Variants in POMT2 observed in about 807,000 individuals in gnomAD.
The protein encoded by POMT2 is protein O-mannosyltransferase 2.
Under a neutral mutation model 100.0 loss-of-function variants are expected in POMT2, and 75 were observed. The observed-to-expected ratio is 0.75, with a 90% confidence interval of 0.62 to 0.91. The LOEUF (loss-of-function observed/expected upper bound fraction) is 0.91. Among genes scored for constraint, POMT2 ranks in the 40% least tolerant of loss-of-function variants. The pLI, the probability that POMT2 is intolerant of heterozygous loss-of-function variation, is 0.00. For missense variants in POMT2, 940 were observed against 955.1 expected, an observed-to-expected ratio of 0.98 and a Z score of 0.21; for synonymous variants, 378 against 374.1, an observed-to-expected ratio of 1.01 and a Z score of -0.12.
At chr14:77,317,369 T>G (rs151287887) in intron 1 of POMT2, among the ~76,000 whole-genome samples, 1 of 152,262 alleles carries the variant, frequency 6.6e-6, no homozygotes, top group Non-Finnish European at 1.5e-5. Context: ...TATACCACTG[T>G]GGCCCTTGAA....
In POMT2 at chr14:77,320,443, G is replaced by A. The variant is rs1195398546; in HGVS notation, c.239C>T (p.Pro80Leu). ...ATRFHRLDEP[P>L]HICWDETHFG... The stretch of plus-strand genomic sequence containing the variant: ...CCCTCCCATCACTCACCAGATGTGC[G>A]GCGGCTCGTCCAAGCGGTGGAAGCG... Residue 80 changes from proline to leucine, a missense_variant, in exon 1 of 21, where the codon CCG (proline) becomes CTG (leucine). Physicochemically the swap from Pro to Leu is moderately conservative, Grantham distance 98 (BLOSUM62 -3). Transcript: ENST00000261534. 2 of 1,546,466 alleles carry A rather than the reference G, an allele frequency of 1.3e-6. No homozygotes were observed. Among genetic ancestry groups the A allele is most frequent in the Non-Finnish European group, 1.7e-6 (2 of 1,146,884 alleles).
chr14:77,308,512 C>T (rs550828816), intron 2 of POMT2, among the ~76,000 whole-genome samples: 3 of 152,166 alleles, frequency 2.0e-5, no homozygotes, highest in Admixed American at 1.3e-4. Context: ...CCTGCCACCA[C>T]GCCCGGCTAA....
chr14:77,299,606 A>G (rs367607952), intron 6 of POMT2, 45 bp from the exon 7 acceptor site: 1 of 1,399,690 alleles, frequency 7.1e-7, no homozygotes, highest in African/African-American at 1.4e-5. Context: ...GTGAGACCTC[A>G]TTATTCCTTA....
chr14:77,285,996 C>T (rs981831745), intron 12 of POMT2, among the ~76,000 whole-genome samples: 1 of 152,196 alleles, frequency 6.6e-6, no homozygotes, highest in South Asian at 2.1e-4. Flanking sequence ...CCATTTGCAT[C>T]CATTACCTTG....
chr14:77,303,907 G>A (rs1891140128), intron 4 of POMT2, among the ~76,000 whole-genome samples: 2 of 152,180 alleles, frequency 1.3e-5, no homozygotes, highest in African/African-American at 4.8e-5. Context: ...CTCAGACTAA[G>A]AAAAGTGGCC....
chr14:77,298,686 C>G lies in POMT2; in HGVS notation c.1006+3G>C. On this transcript the variant is annotated splice_donor_region_variant and intron_variant, in intron 8 of 20. Coordinates refer to ENST00000261534, the MANE Select transcript of POMT2 (RefSeq NM_013382.7). ...ACCTTTGTAATGGCCCAGAGACACTCACGTTCAGGGATGGAAGCATTGTGC... is the reference window on the plus strand; with the variant it reads ...ACCTTTGTAATGGCCCAGAGACACTGACGTTCAGGGATGGAAGCATTGTGC... The G allele has an allele frequency of 1.9e-6, 3 of 1,613,806 alleles. No homozygotes were observed. The highest frequency in any genetic ancestry group is 2.5e-6 in the Non-Finnish European group (3 of 1,179,886).
intron 15 of POMT2, 50 bp from the exon 16 acceptor site, chr14:77,280,513 T>G: frequency 6.2e-7 from 1 of 1,613,362 alleles, no homozygotes; most frequent in Non-Finnish European, 8.5e-7. Flanking sequence ...TCTAGAGGGC[T>G]GACAGAAATG....
intron 1 of POMT2, among the ~76,000 whole-genome samples, chr14:77,314,455 C>G (rs1891555000): frequency 6.6e-6 from 1 of 152,192 alleles, no homozygotes; most frequent in Non-Finnish European, 1.5e-5. Context: ...AAAACAGTGA[C>G]AGGCTAACTT....
chr14:77,313,811 G>A (rs1891528461), intron 1 of POMT2, among the ~76,000 whole-genome samples: 2 of 152,124 alleles, frequency 1.3e-5, no homozygotes, highest in African/African-American at 2.4e-5. Context: ...GGGTTCAAGC[G>A]ATTCTCCTGC....
chr14:77,320,747 A>G lies in POMT2; in HGVS notation c.-66T>C. ...CTTTGTCTGACCAGCCGCCCCGCCA[A>G]GGAGTCACAAGAGGGCAGCTCGGGG... is the stretch of plus-strand genomic sequence containing the variant. On this transcript the variant is annotated 5_prime_UTR_variant, in exon 1 of 21. Transcript: ENST00000261534. The G allele has an allele frequency of 6.4e-7, 1 of 1,561,190 alleles. No homozygotes were observed. The highest frequency in any genetic ancestry group is 2.3e-4 in the Middle Eastern group (1 of 4,296).
intron 10 of POMT2, among the ~76,000 whole-genome samples, chr14:77,290,912 G>C (rs1020897103): frequency 3.1e-4 from 47 of 152,208 alleles, no homozygotes; most frequent in African/African-American, 1.1e-3. Context: ...GACTTAAGCT[G>C]CACCACATGC....
chr14:77,314,941 T>G (rs566636658), intron 1 of POMT2, among the ~76,000 whole-genome samples: 1 of 152,322 alleles, frequency 6.6e-6, no homozygotes, highest in South Asian at 2.1e-4. Flanking sequence ...TCCCTTTATG[T>G]CCCAGGATCC....
chr14:77,305,096 C>A, intron 3 of POMT2, among the ~76,000 whole-genome samples: 1 of 152,070 alleles, frequency 6.6e-6, no homozygotes, highest in East Asian at 1.9e-4. Context: ...TAGCTACACA[C>A]CAGGAATAGA....
intron 16 of POMT2, 54 bp downstream of exon 16, chr14:77,280,338 C>T (rs1397776268): frequency 1.4e-5 from 23 of 1,612,810 alleles, no homozygotes; most frequent in Non-Finnish European, 1.7e-5. Context: ...ACCGGTCTCC[C>T]TGCTCTTGTT....
At chr14:77,285,149 G>T in intron 13 of POMT2, 108 bp from the exon 14 acceptor site, 1 of 995,342 alleles carries the variant, frequency 1.0e-6, no homozygotes, top group South Asian at 1.4e-5. Flanking sequence ...TTTCCACATG[G>T]TGGCCATTAT....
intron 1 of POMT2, among the ~76,000 whole-genome samples, chr14:77,318,157 T>TA (rs1891696395): frequency 6.6e-6 from 1 of 152,238 alleles, no homozygotes; most frequent in East Asian, 1.9e-4. Context: ...CCTGGAGATG[T>TA]AAAGAGAAGG....
chr14:77,299,443 C>G lies in POMT2; in HGVS notation c.923+12G>C, dbSNP rs370723854. On this transcript the variant is annotated intron_variant, in intron 7 of 20. Coordinates refer to ENST00000261534, the MANE Select transcript of POMT2 (RefSeq NM_013382.7). ...AACCAGAAGCAAGATGCTGCAAAGG[C>G]TCTGTCTGTACCTTTTACTCAGCAC... 2 of 1,609,110 alleles carry G rather than the reference C, an allele frequency of 1.2e-6. No individual in the cohort carries two copies. The highest frequency in any genetic ancestry group is 2.7e-5 in the African/African-American group (2 of 74,788).
At chr14:77,304,446 G>T (rs745649977) in intron 4 of POMT2, among the ~76,000 whole-genome samples, 6 of 152,132 alleles carry the variant, frequency 3.9e-5, no homozygotes, top group Non-Finnish European at 8.8e-5. Flanking sequence ...ATAACGTGGA[G>T]GTAAATCTAT....
In POMT2 at chr14:77,277,102, C is replaced by T; in HGVS notation, c.*274G>A. 1 of 508,286 alleles carries T rather than the reference C, an allele frequency of 2.0e-6. No homozygotes were observed. Among genetic ancestry groups the T allele is most frequent in the Non-Finnish European group, 3.6e-6 (1 of 278,372 alleles). 31.5% of individuals were successfully genotyped at this position (508,286 alleles called of 1,614,324 possible). ...TACACACACGCGCACCCACTCCCAC[C>T]CTCTGGCACCCATCCTCCCCTGCGC... On this transcript the variant is annotated 3_prime_UTR_variant, in exon 21 of 21. Coordinates refer to ENST00000261534, the MANE Select transcript of POMT2 (RefSeq NM_013382.7).
Sources: allele counts gnomAD v4.1 joint callset (sites outside exome capture counted in the v4.1 genomes callset), GRCh38; gene constraint gnomAD v4.1.1; transcripts MANE v1.5; gene names NCBI Gene and HGNC (gene_info 2026-07-23, HGNC 2026-07-21).